Variants in SLC9A7 observed in about 807,000 individuals in gnomAD.
The protein encoded by SLC9A7 is solute carrier family 9 member A7.
SLC9A7 carries 19 observed loss-of-function variants against 52.6 expected under a neutral mutation model. The ratio of observed to expected loss-of-function variants is 0.36; its 90% confidence interval spans 0.25 to 0.53. The LOEUF is 0.53. Ranked by LOEUF, SLC9A7 falls within the 20% of genes least tolerant of loss-of-function variation. SLC9A7 has a pLI of 0.91. For synonymous variants in SLC9A7, 226 were observed against 252.1 expected, an observed-to-expected ratio of 0.90 and a Z score of 0.98; for missense variants, 455 against 597.9, an observed-to-expected ratio of 0.76 and a Z score of 2.49.
At chrX:46,725,553 A>G in intron 1 of SLC9A7, 1 of 959,768 alleles carries the variant, frequency 1.0e-6, no homozygotes, top group Non-Finnish European at 1.5e-6. Flanking sequence ...GGCTTGTTCT[A>G]TGTTGAATGA....
At chrX:46,607,619 G>A (rs779231185) in intron 16 of SLC9A7, among the ~76,000 whole-genome samples, 4 of 110,854 alleles carry the variant, frequency 3.6e-5, no homozygotes, top group Admixed American at 9.6e-5. Context: ...TCTCCAACCC[G>A]TCTTGTTTAC....
chrX:46,635,697 G>C, intron 12 of SLC9A7, 49 bp from the exon 13 acceptor site: 1 of 996,083 alleles, frequency 1.0e-6, no homozygotes, highest in Non-Finnish European at 1.4e-6. Context: ...CAACAGGAGA[G>C]CCAGGAGCTC....
chrX:46,701,712 T>C (rs919834866), intron 1 of SLC9A7, among the ~76,000 whole-genome samples: 1 of 110,197 alleles, frequency 9.1e-6, no homozygotes, highest in South Asian at 3.8e-4. Context: ...ATGGGGGGAG[T>C]GGTTCAAAGG....
intron 7 of SLC9A7, 151 bp from the exon 8 acceptor site, chrX:46,653,865 C>T (rs1943625383): frequency 2.5e-6 from 1 of 398,946 alleles, no homozygotes; most frequent in African/African-American, 2.6e-5. Flanking sequence ...CTGGAGATTT[C>T]TTAAGTAATA....
At chrX:46,655,743 T>C (rs1279290997) in intron 7 of SLC9A7, among the ~76,000 whole-genome samples, 1 of 112,681 alleles carries the variant, frequency 8.9e-6, no homozygotes, top group Non-Finnish European at 1.9e-5. Context: ...TCTCGCTGAT[T>C]GCTAGCACAG....
intron 14 of SLC9A7, among the ~76,000 whole-genome samples, chrX:46,622,041 T>C (rs182099782): frequency 6.1e-4 from 69 of 112,210 alleles, no homozygotes; most frequent in African/African-American, 2.2e-3. Context: ...TAATCAAAGA[T>C]CTTTGAGAAG....
At chrX:46,673,837 C>T (rs1290547629) in intron 3 of SLC9A7, among the ~76,000 whole-genome samples, 1 of 111,983 alleles carries the variant, frequency 8.9e-6, no homozygotes, top group Non-Finnish European at 1.9e-5. Context: ...CCTGCTGCCC[C>T]TAAGCCACCT....
At chrX:46,612,221 C>A (rs963848283) in intron 16 of SLC9A7, among the ~76,000 whole-genome samples, 1 of 112,164 alleles carries the variant, frequency 8.9e-6, no homozygotes, top group Non-Finnish European at 1.9e-5. Flanking sequence ...TAGAGCTGTA[C>A]GCAAATTTTA....
intron 7 of SLC9A7, among the ~76,000 whole-genome samples, chrX:46,655,851 GA>G (rs1462207212): frequency 2.0e-4 from 22 of 112,742 alleles, no homozygotes; most frequent in Non-Finnish European, 3.9e-4. Context: ...CGGGAAGCTC[GA>G]ACTGGGTGGA....
Position 46,648,604 on chromosome X carries a change from T to A in SLC9A7, c.1462+82A>T, listed in dbSNP as rs1181623624. The A allele has an allele frequency of 9.5e-6, 7 of 739,397 alleles. No homozygotes were observed. In the Admixed American group the frequency reaches 1.8e-4, roughly 19 times the overall value. 60.9% of individuals were successfully genotyped at this position (739,397 alleles called of 1,213,427 possible). On this transcript the variant is annotated intron_variant, in intron 11 of 16. Transcript: ENST00000616978. ...AGAAACTTGAATGCTTGTCTTTTTA[T>A]GAACCTTATCAATTACATTTTAATC... is the stretch of plus-strand genomic sequence containing the variant.
At chrX:46,750,200 G>C (rs1252602244) in intron 1 of SLC9A7, among the ~76,000 whole-genome samples, 1 of 111,582 alleles carries the variant, frequency 9.0e-6, no homozygotes, top group African/African-American at 3.3e-5. Flanking sequence ...GCTCTATCCT[G>C]GCCAAATACA....
intron 12 of SLC9A7, among the ~76,000 whole-genome samples, chrX:46,639,795 CAAA>C: frequency 1.1e-5 from 1 of 90,289 alleles, no homozygotes; most frequent in African/African-American, 3.9e-5. Flanking sequence ...AAGAATCTAC[CAAA>C]AAAAAAAAAA....
intron 15 of SLC9A7, among the ~76,000 whole-genome samples, chrX:46,619,988 C>G (rs1042243967): frequency 8.9e-6 from 1 of 111,915 alleles, no homozygotes; most frequent in Non-Finnish European, 1.9e-5. Context: ...TGTTTATTTT[C>G]TGATAATTTA....
intron 7 of SLC9A7, among the ~76,000 whole-genome samples, chrX:46,657,712 G>C (rs1320548356): frequency 3.6e-5 from 4 of 111,310 alleles, no homozygotes; most frequent in Admixed American, 2.9e-4. Context: ...GAAGCACCCA[G>C]ATTCATAAAG....
At chrX:46,645,098 A>G (rs1231759507) in intron 11 of SLC9A7, among the ~76,000 whole-genome samples, 1 of 112,371 alleles carries the variant, frequency 8.9e-6, no homozygotes, top group Non-Finnish European at 1.9e-5. Context: ...GCCTTGACAA[A>G]TGAGTTCCTT....
At chrX:46,632,516 G>A (rs1183955366) in intron 13 of SLC9A7, among the ~76,000 whole-genome samples, 1 of 111,110 alleles carries the variant, frequency 9.0e-6, no homozygotes, top group African/African-American at 3.3e-5. Context: ...ACATCTGATT[G>A]GATTCTTCAT....
Position 46,629,485 on chromosome X carries a change from C to T in SLC9A7, c.1740+2101G>A, listed in dbSNP as rs143092506. Among the ~76,000 whole-genome samples, 379 of 112,148 alleles carry T rather than the reference C, an allele frequency of 3.4e-3. 2 individuals carry two copies. The highest frequency in any genetic ancestry group is 0.011 in the African/African-American group (349 of 30,830). On this transcript the variant is annotated intron_variant, in intron 14 of 16. Coordinates refer to ENST00000616978, the MANE Select transcript of SLC9A7 (RefSeq NM_001257291.2). ...AATTACAAGCCCAGTGTTCCCAGTG[C>T]GCAGGGCTCATGTGATACATAGTAA... is the stretch of plus-strand genomic sequence containing the variant.
At chrX:46,733,673 T>A (rs911730425) in intron 1 of SLC9A7, among the ~76,000 whole-genome samples, 1 of 69,203 alleles carries the variant, frequency 1.4e-5, no homozygotes, top group Non-Finnish European at 3.1e-5. Context: ...TAAATTAGCA[T>A]CACACTAAAG....
At chrX:46,740,378 C>A (rs997998952) in intron 1 of SLC9A7, among the ~76,000 whole-genome samples, 3 of 110,796 alleles carry the variant, frequency 2.7e-5, no homozygotes, top group African/African-American at 9.8e-5. Context: ...CCAGAGCAAT[C>A]AGAAAAGAGA....
Sources: gnomAD v4.1 joint callset for allele counts (sites outside exome capture counted in the v4.1 genomes callset) on GRCh38, gnomAD v4.1.1 for gene constraint, MANE v1.5 for transcripts, NCBI Gene and HGNC (gene_info 2026-07-23, HGNC 2026-07-21) for gene names.